The following COL17A1 variants were observed in gnomAD, a reference collection of about 807,000 sequenced individuals.
COL17A1 encodes collagen alpha-1(XVII) chain.
COL17A1 carries 181 observed loss-of-function variants against 218.4 expected under a neutral mutation model. The ratio of observed to expected loss-of-function variants is 0.83; its 90% CI spans 0.73 to 0.94. The LOEUF is 0.94. Among genes scored for constraint, COL17A1 ranks in the 40% least tolerant of loss-of-function variants. The probability of loss-of-function intolerance (pLI) is 0.00; values close to 1 mark genes in which losing one functional copy is unlikely to be tolerated. For missense variants in COL17A1, 1,924 were observed against 1,945.9 expected, an observed-to-expected ratio of 0.99 and a Z score of 0.21; for synonymous variants, 721 against 731.0, an observed-to-expected ratio of 0.99 and a Z score of 0.22.
chr10:104,069,331 TA>T (rs1458306589), intron 9 of COL17A1, among the ~76,000 whole-genome samples: 2 of 152,138 alleles, frequency 1.3e-5, no homozygotes, highest in African/African-American at 2.4e-5. Flanking sequence ...TTTGTCTTGA[TA>T]AAAAATATTA....
In COL17A1 at chr10:104,063,749, G is replaced by C; in HGVS notation, c.836C>G (p.Ser279Ter). 1 of 1,614,172 alleles carries C rather than the reference G, an allele frequency of 6.2e-7. No individual in the cohort carries two copies. Among genetic ancestry groups the C allele is most frequent in the South Asian group, 1.1e-5 (1 of 91,074 alleles). The change falls in exon 11 of 56, where the codon TCA (serine) becomes TGA (stop). Residue 279 changes from serine (S) to a stop codon, truncating the protein, a stop_gained and splice_region_variant. Coordinates refer to ENST00000648076, the MANE Select transcript of COL17A1 (RefSeq NM_000494.4). LOFTEE classifies it high-confidence loss of function. ...CATCTCAAGATGGTGACACTGACCTGAGGAGGATGTGCTGAGTCCAGGGTG... is the reference window on the plus strand; with the variant it reads ...CATCTCAAGATGGTGACACTGACCTCAGGAGGATGTGCTGAGTCCAGGGTG... Reference protein sequence around the residue: ...TLHPGLSTSSSVFGMQNNLAP... With the variant: ...TLHPGLSTSS
At position 104,034,275 on chromosome 10, in the gene COL17A1, G is replaced by T; in HGVS notation, c.3826C>A (p.Pro1276Thr). The T allele has an allele frequency of 6.3e-7, 1 of 1,596,454 alleles. No individual in the cohort carries two copies. The highest frequency in any genetic ancestry group is 2.3e-5 in the East Asian group (1 of 44,140). ...PPGPPGPQGP[P>T]GDSRLLSTDA... ...GTGGACAGGAGGCGGCTGTCCCCAG[G>T]GGGTCCCTGCGGCCCAGGAGGGCCT... Residue 1276 changes from proline (P) to threonine (T), a missense_variant, in exon 52 of 56, where the codon CCT (proline) becomes ACT (threonine). By Grantham distance (38) the Pro-to-Thr change is conservative. Transcript: ENST00000648076.
rs373874225 is a variant in COL17A1, at chr10:104,041,253, C to T, written c.2647+50G>A. The T allele has an allele frequency of 3.9e-5, 62 of 1,599,558 alleles. No homozygotes were observed. The African/African-American group carries it at 7.4e-4, about 19-fold the overall frequency. The stretch of plus-strand genomic sequence containing the variant: ...CCTGGGCTCAGGGTCCCATTGCTAC[C>T]CACCTCTCACCTCCCCCTCCCACCT... On this transcript the variant is annotated intron_variant, in intron 38 of 55. Coordinates refer to ENST00000648076, the MANE Select transcript of COL17A1 (RefSeq NM_000494.4).
chr10:104,032,558 A>G, intron 55 of COL17A1, 116 bp downstream of exon 55: 1 of 1,104,794 alleles, frequency 9.1e-7, no homozygotes, highest in South Asian at 1.3e-5. Context: ...GCCTGGAGTA[A>G]TTGGCATTTG....
At chr10:104,048,276 C>T in intron 29 of COL17A1, 172 bp from the exon 30 acceptor site, 1 of 777,628 alleles carries the variant, frequency 1.3e-6, no homozygotes. Context: ...CCCACTGCCC[C>T]TTCTCCTAAA....
chr10:104,056,418 T>G (rs2086527120), intron 17 of COL17A1, among the ~76,000 whole-genome samples: 1 of 151,828 alleles, frequency 6.6e-6, no homozygotes, highest in Non-Finnish European at 1.5e-5. Flanking sequence ...CCATCTCTAC[T>G]AAAAATACAA....
intron 2 of COL17A1, among the ~76,000 whole-genome samples, chr10:104,078,839 A>T (rs558318301): frequency 8.5e-5 from 13 of 152,198 alleles, no homozygotes; most frequent in Non-Finnish European, 1.9e-4. Context: ...CTGCGTTTGA[A>T]ACATGAGTTG....
At position 104,046,614 on chromosome 10, in the gene COL17A1, T is replaced by C. The variant is rs368789929; in HGVS notation, c.2362+133A>G. ...TTCCTAAGGTGCTTCTCACGACTCA[T>C]AGTGAAAGGGAGTGTGTGCCAGGGA... On this transcript the variant is annotated intron_variant, in intron 32 of 55. Coordinates refer to ENST00000648076, the MANE Select transcript of COL17A1 (RefSeq NM_000494.4). 1.7e-5 allele frequency: 14 copies of C among 827,770 alleles called. No individual in the cohort carries two copies. The African/African-American group carries it at 1.8e-4, about 11-fold the overall frequency. The allele number at this position is 827,770 out of a possible 1,614,324, so 51.3% of individuals were successfully genotyped here.
At chr10:104,049,096 G>C (rs902636710) in intron 29 of COL17A1, among the ~76,000 whole-genome samples, 8 of 152,152 alleles carry the variant, frequency 5.3e-5, no homozygotes, top group African/African-American at 1.9e-4. Context: ...GGGATTCCTG[G>C]AACACTTGAG....
chr10:104,077,305 TCCC>T, intron 4 of COL17A1, 114 bp downstream of exon 4: 6 of 778,472 alleles, frequency 7.7e-6, no homozygotes, highest in Non-Finnish European at 1.3e-5. Flanking sequence ...ATTGTAATTG[TCCC>T]TTTTGTGCAC....
At chr10:104,050,027 A>T (rs1007234636) in intron 28 of COL17A1, 62 bp downstream of exon 28, 10 of 1,612,516 alleles carry the variant, frequency 6.2e-6, no homozygotes, top group Non-Finnish European at 8.5e-6. Context: ...TTTCCAACCT[A>T]GTGACTGATG....
intron 41 of COL17A1, 46 bp from the exon 42 acceptor site, chr10:104,039,686 C>T (rs1302434962): frequency 6.2e-7 from 1 of 1,613,600 alleles, no homozygotes; most frequent in Non-Finnish European, 8.5e-7. Context: ...ACTTTTCTCA[C>T]CCACTAACAG....
chr10:104,079,883 C>T (rs1365422876), intron 2 of COL17A1, among the ~76,000 whole-genome samples: 2 of 149,664 alleles, frequency 1.3e-5, no homozygotes, highest in African/African-American at 2.5e-5. Flanking sequence ...GCCAAGATTA[C>T]GCCACTGCAC....
intron 28 of COL17A1, 83 bp downstream of exon 28, chr10:104,050,006 C>A (rs1589564794): frequency 3.1e-6 from 5 of 1,605,596 alleles, no homozygotes; most frequent in South Asian, 2.2e-5. Flanking sequence ...CGGTCTCTTA[C>A]TTCTGGATTT....
rs1747675 is a variant in COL17A1 at position 104,033,415 on chromosome 10, T to A, written c.4157-40A>T. 121 of 1,602,582 alleles carry A rather than the reference T, an allele frequency of 7.6e-5. No individual in the cohort carries two copies. The African/African-American group carries it at 1.4e-3, about 18-fold the overall frequency. On this transcript the variant is annotated intron_variant, in intron 52 of 55. Transcript: ENST00000648076. ...AGCTTGGGCACAGGAAGCAGGGATC[T>A]CCCAGTACCCTCTTCAGCAGGAGCA...
chr10:104,038,667 C>A, intron 44 of COL17A1, 139 bp from the exon 45 acceptor site: 1 of 1,097,004 alleles, frequency 9.1e-7, no homozygotes, highest in Non-Finnish European at 1.3e-6. Flanking sequence ...AGAAGGGTCC[C>A]CGAGAAGAGA....
At chr10:104,055,287 A>C in intron 19 of COL17A1, 85 bp downstream of exon 19, 1 of 1,604,020 alleles carries the variant, frequency 6.2e-7, no homozygotes, top group Admixed American at 1.7e-5. Flanking sequence ...ATTTAGAACA[A>C]AGAAAAAGGC....
Position 104,043,870 on chromosome 10 carries a change from G to A in COL17A1, c.2399-10C>T, listed in dbSNP as rs1465817576. 1.2e-6 allele frequency: 2 copies of A among 1,614,070 alleles called. No homozygotes were observed. Among genetic ancestry groups the A allele is most frequent in the African/African-American group, 2.7e-5 (2 of 74,936 alleles). ...GGAGCTCCTGGTTCACCTAGGAAGA[G>A]AGGAAAAGGCTGAGAGTGGTTGTTC... On this transcript the variant is annotated splice_polypyrimidine_tract_variant and intron_variant, in intron 33 of 55. Transcript: ENST00000648076.
chr10:104,071,935 TGCATGC>T, intron 8 of COL17A1, 91 bp downstream of exon 8: 1 of 1,565,818 alleles, frequency 6.4e-7, no homozygotes, highest in Non-Finnish European at 8.8e-7. Context: ...TGTGTGTGCA[TGCATGC>T]ACACACACAC....
Sources: allele counts gnomAD v4.1 joint callset (sites outside exome capture counted in the v4.1 genomes callset), GRCh38; gene constraint gnomAD v4.1.1; transcripts MANE v1.5; gene names NCBI Gene and HGNC (gene_info 2026-07-23, HGNC 2026-07-21).